ABHD12: variants seen among roughly 807,000 people sequenced by gnomAD.
The protein encoded by ABHD12 is lysophosphatidylserine lipase ABHD12.
ABHD12 carries 43 observed loss-of-function variants against 58.3 expected under a neutral mutation model. The ratio of observed to expected loss-of-function variants is 0.74; its 90% CI spans 0.58 to 0.95. The LOEUF is 0.95. ABHD12 is among the 40% of genes least tolerant of loss of function. ABHD12 has a pLI of 0.00. For synonymous variants in ABHD12, 219 were observed against 211.2 expected (o/e 1.04, Z -0.32); for missense variants, 539 against 537.2 (o/e 1.00, Z -0.03).
intron 12 of ABHD12, chr20:25,295,059 G>C: frequency 6.2e-7 from 1 of 1,610,712 alleles, no homozygotes. Flanking sequence ...TTTTAAAATT[G>C]TGAACTCTGC....
chr20:25,371,908 T>C (rs556339206), intron 1 of ABHD12, among the ~76,000 whole-genome samples: 19 of 152,350 alleles, frequency 1.2e-4, no homozygotes, highest in African/African-American at 3.1e-4. Context: ...TTTTTTACTA[T>C]AGGCATTCAG....
rs577168900 is a variant in ABHD12, at chr20:25,374,753, G to A, written c.191+15760C>T. ...TACCTCAGGTGATCCTCCCGCCTCG[G>A]CCTCCCAAAGTGCTGGGATTACAGG... is the stretch of plus-strand genomic sequence containing the variant. On this transcript the variant is annotated intron_variant, in intron 1 of 12. Coordinates refer to ENST00000339157, the MANE Select transcript of ABHD12 (RefSeq NM_001042472.3). 6.6e-5 allele frequency among the ~76,000 whole-genome samples: 10 copies of A among 152,160 alleles called. No individual in the cohort carries two copies. In the East Asian group the frequency reaches 1.9e-3, roughly 29 times the overall value.
intron 3 of ABHD12, among the ~76,000 whole-genome samples, chr20:25,320,775 C>A (rs1432719920): frequency 2.6e-5 from 4 of 152,228 alleles, no homozygotes; most frequent in African/African-American, 7.2e-5. Context: ...TTCAGCAACA[C>A]CAATGTTTGT....
At chr20:25,309,408 A>T (rs753946634) in intron 7 of ABHD12, 38 bp downstream of exon 7, 3 of 1,613,100 alleles carry the variant, frequency 1.9e-6, no homozygotes, top group Non-Finnish European at 2.5e-6. Flanking sequence ...AGGAATACTG[A>T]CTCCCACTAA....
chr20:25,350,414 A>C (rs1241898707), intron 1 of ABHD12, among the ~76,000 whole-genome samples: 1 of 152,190 alleles, frequency 6.6e-6, no homozygotes, highest in African/African-American at 2.4e-5. Flanking sequence ...TCATGGGGAC[A>C]GTTTCCCCCA....
chr20:25,387,721 C>T (rs1434539475), intron 1 of ABHD12, among the ~76,000 whole-genome samples: 8 of 151,628 alleles, frequency 5.3e-5, no homozygotes, highest in Admixed American at 2.6e-4. Flanking sequence ...GCCTGGGTGA[C>T]GGAACTTTCT....
At chr20:25,308,319 G>A in intron 8 of ABHD12, 138 bp downstream of exon 8, 1 of 1,092,498 alleles carries the variant, frequency 9.2e-7, no homozygotes, top group South Asian at 1.3e-5. Context: ...CATGGGAAGG[G>A]TGGCTGGTCA....
intron 10 of ABHD12, 152 bp from the exon 11 acceptor site, chr20:25,303,780 C>T (rs542645461): frequency 3.6e-6 from 4 of 1,099,594 alleles, no homozygotes; most frequent in East Asian, 2.6e-5. Context: ...TGAAAGTTAA[C>T]TCTTCATTAT....
At chr20:25,335,864 G>C (rs1245409638) in intron 2 of ABHD12, among the ~76,000 whole-genome samples, 3 of 147,748 alleles carry the variant, frequency 2.0e-5, no homozygotes, top group African/African-American at 7.5e-5. Context: ...GCTAGATGAC[G>C]AGTTAGTGGG....
exon 13 of ABHD12, chr20:25,295,013 C>A (rs913979122): frequency 2.2e-5 from 36 of 1,614,074 alleles, no homozygotes; most frequent in Non-Finnish European, 2.9e-5. Flanking sequence ...TGGGCTGGAA[C>A]CTGGGCCCTG....
intron 1 of ABHD12, among the ~76,000 whole-genome samples, chr20:25,385,439 GAATTA>G (rs1404350870): frequency 2.6e-5 from 4 of 151,244 alleles, no homozygotes; most frequent in African/African-American, 7.3e-5. Flanking sequence ...GAGAAAAGGT[GAATTA>G]AATTGGTAAT....
In ABHD12 at chr20:25,390,736, C is replaced by A; in HGVS notation, c.-33G>T. 6.5e-6 allele frequency: 8 copies of A among 1,238,740 alleles called. No individual in the cohort carries two copies. Among genetic ancestry groups the A allele is most frequent in the South Asian group, 4.6e-5 (2 of 43,734 alleles). The allele number at this position is 1,238,740 out of a possible 1,614,324, so 76.7% of individuals were successfully genotyped here. ...CCGACAGGGCCAGCCGCCGACGGCG[C>A]CCGCTGGCCTGCGCCGCAGTGCCGC... is the stretch of plus-strand genomic sequence containing the variant. On this transcript the variant is annotated 5_prime_UTR_variant, in exon 1 of 13. Coordinates refer to ENST00000339157, the MANE Select transcript of ABHD12 (RefSeq NM_001042472.3).
At chr20:25,325,836 C>CAA (rs2089165537) in intron 2 of ABHD12, among the ~76,000 whole-genome samples, 1 of 151,806 alleles carries the variant, frequency 6.6e-6, no homozygotes, top group Non-Finnish European at 1.5e-5. Flanking sequence ...TTTGGGAGGC[C>CAA]GAGGCAGGTG....
At chr20:25,325,931 C>T (rs2089167048) in intron 2 of ABHD12, among the ~76,000 whole-genome samples, 1 of 151,762 alleles carries the variant, frequency 6.6e-6, no homozygotes, top group South Asian at 2.1e-4. Context: ...ATTAGCCAGG[C>T]GTGGTGGTGT....
chr20:25,383,438 C>T (rs1316708468), intron 1 of ABHD12, among the ~76,000 whole-genome samples: 1 of 152,232 alleles, frequency 6.6e-6, no homozygotes, highest in Non-Finnish European at 1.5e-5. Context: ...GTGTACATCT[C>T]ATGACTGCCT....
chr20:25,348,794 T>C (rs190990625), intron 1 of ABHD12, among the ~76,000 whole-genome samples: 402 of 152,116 alleles, frequency 2.6e-3, no homozygotes, highest in African/African-American at 9.2e-3. Context: ...TTCTAACAAA[T>C]AGATATTGGC....
intron 1 of ABHD12, among the ~76,000 whole-genome samples, chr20:25,388,499 T>G (rs1374477602): frequency 6.6e-6 from 1 of 152,040 alleles, no homozygotes; most frequent in Non-Finnish European, 1.5e-5. Context: ...GAGGAGGTGA[T>G]GGTGGCGCAG....
At chr20:25,308,664 G>C (rs2088792513) in intron 7 of ABHD12, among the ~76,000 whole-genome samples, 170 bp from the exon 8 acceptor site, 1 of 152,194 alleles carries the variant, frequency 6.6e-6, no homozygotes, top group South Asian at 2.1e-4. Flanking sequence ...TGACCTGGCT[G>C]CCCCACCATC....
chr20:25,316,392 C>CTTGGT (rs2088962636), intron 5 of ABHD12, among the ~76,000 whole-genome samples: 1 of 152,162 alleles, frequency 6.6e-6, no homozygotes, highest in South Asian at 2.1e-4. Flanking sequence ...AACTCCTGAC[C>CTTGGT]TTGTGATCCA....
Sources: allele counts gnomAD v4.1 joint callset (sites outside exome capture counted in the v4.1 genomes callset), GRCh38; gene constraint gnomAD v4.1.1; transcripts MANE v1.5; gene names NCBI Gene and HGNC (gene_info 2026-07-23, HGNC 2026-07-21).